The following IL6ST variants were observed in gnomAD, a reference collection of about 807,000 sequenced individuals.
The protein encoded by IL6ST is interleukin-6 receptor subunit beta.
A neutral mutation model predicts 91.3 loss-of-function variants in IL6ST; 24 were observed. The ratio of observed to expected loss-of-function variants is 0.26; its 90% CI spans 0.19 to 0.37. IL6ST has a LOEUF of 0.37. IL6ST is among the 10% of genes least tolerant of loss of function. The pLI, the probability that IL6ST is intolerant of heterozygous loss-of-function variation, is 1.00. For synonymous variants in IL6ST, 351 were observed against 373.6 expected, an observed-to-expected ratio of 0.94 and a Z score of 0.70; for missense variants, 914 against 1,078.5, an observed-to-expected ratio of 0.85 and a Z score of 2.14.
chr5:55,969,246 C>T (rs763992335), intron 4 of IL6ST, among the ~76,000 whole-genome samples: 3 of 151,918 alleles, frequency 2.0e-5, no homozygotes, highest in African/African-American at 4.8e-5. Flanking sequence ...AGCTGCTTTA[C>T]ACGTGCATTT....
Position 55,991,139 on chromosome 5 carries a change from T to C in IL6ST, c.-104+3645A>G, listed in dbSNP as rs1432653421. 3.3e-5 allele frequency among the ~76,000 whole-genome samples: 5 copies of C among 152,230 alleles called. No individual in the cohort carries two copies. The East Asian group carries it at 9.6e-4, about 29-fold the overall frequency. ...CACATTTTCTTAATCCAGTCTATCA[T>C]TGATGGACATTTGAATTGGTTCCAA... On this transcript the variant is annotated intron_variant, in intron 1 of 16. Transcript: ENST00000381298.
At chr5:55,946,343 C>T (rs924997811) in intron 15 of IL6ST, among the ~76,000 whole-genome samples, 4 of 152,222 alleles carry the variant, frequency 2.6e-5, no homozygotes, top group Admixed American at 6.5e-5. Flanking sequence ...TGACCCAGCA[C>T]TCTCACTCCT....
At position 55,940,906 on chromosome 5, in the gene IL6ST, T is replaced by C; in HGVS notation, c.*176A>G. 1.6e-6 allele frequency: 1 copy of C among 610,838 alleles called. No homozygotes were observed. Among genetic ancestry groups the C allele is most frequent in the Middle Eastern group, 4.5e-4 (1 of 2,230 alleles). 37.8% of individuals were successfully genotyped at this position (610,838 alleles called of 1,614,324 possible). ...AGTTTATGTAGTGCTTAAAGTAGAA[T>C]CCCAGATATTCTGGAATGGAAATAG... On this transcript the variant is annotated 3_prime_UTR_variant, in exon 17 of 17. Coordinates refer to ENST00000381298, the MANE Select transcript of IL6ST (RefSeq NM_002184.4).
chr5:55,985,430 C>G (rs1027661289), intron 1 of IL6ST, among the ~76,000 whole-genome samples: 3 of 151,390 alleles, frequency 2.0e-5, no homozygotes, highest in Non-Finnish European at 4.4e-5. Flanking sequence ...GGCAAGAGAA[C>G]TGCTTGAACC....
At chr5:55,988,533 G>A (rs554706259) in intron 1 of IL6ST, among the ~76,000 whole-genome samples, 24 of 152,114 alleles carry the variant, frequency 1.6e-4, no homozygotes, top group Non-Finnish European at 2.2e-4. Context: ...TTGGGAGGCC[G>A]AGATAGGCAG....
intron 1 of IL6ST, among the ~76,000 whole-genome samples, chr5:55,987,157 T>G (rs1407981813): frequency 6.6e-6 from 1 of 152,196 alleles, no homozygotes; most frequent in Non-Finnish European, 1.5e-5. Flanking sequence ...AGAGTGAGAC[T>G]GGCACATATT....
At chr5:55,942,620 C>A (rs1183665079) in intron 16 of IL6ST, 50 bp downstream of exon 16, 1 of 930,670 alleles carries the variant, frequency 1.1e-6, no homozygotes, top group South Asian at 1.4e-5. Context: ...CTCAATATAC[C>A]TACTAACATG....
At chr5:55,951,701 G>C (rs1751645459) in intron 13 of IL6ST, 97 bp from the exon 14 acceptor site, 1 of 1,235,454 alleles carries the variant, frequency 8.1e-7, no homozygotes, top group African/African-American at 1.5e-5. Context: ...AAGAAGCGAA[G>C]TATTTTTGTT....
chr5:55,943,743 T>A (rs148677737), intron 15 of IL6ST, among the ~76,000 whole-genome samples: 11 of 151,928 alleles, frequency 7.2e-5, no homozygotes, highest in Non-Finnish European at 7.4e-5. Flanking sequence ...AAATAAGAAC[T>A]TCCCCCCTGC....
intron 2 of IL6ST, among the ~76,000 whole-genome samples, chr5:55,979,333 G>C (rs1283275708): frequency 6.6e-6 from 1 of 152,180 alleles, no homozygotes; most frequent in Non-Finnish European, 1.5e-5. Context: ...GGTGACAGAG[G>C]TCAGAGCAGT....
intron 12 of IL6ST, 21 bp downstream of exon 12, chr5:55,952,229 A>G: frequency 1.9e-6 from 3 of 1,569,320 alleles, no homozygotes; most frequent in Non-Finnish European, 2.6e-6. Flanking sequence ...TTTTTTTTCA[A>G]AGAAGTGAGT....
chr5:55,990,991 T>C (rs1754293047), intron 1 of IL6ST, among the ~76,000 whole-genome samples: 1 of 151,606 alleles, frequency 6.6e-6, no homozygotes, highest in African/African-American at 2.4e-5. Context: ...CATGCGGTGT[T>C]TGGTTTTCTG....
chr5:55,937,129 A>C lies in IL6ST; in HGVS notation c.*3953T>G, dbSNP rs1750581124. On this transcript the variant is annotated 3_prime_UTR_variant, in exon 17 of 17. Transcript: ENST00000381298. The stretch of plus-strand genomic sequence containing the variant: ...CATTCAAAGCTTGTGTTCAAGAGAT[A>C]AAAGAACATCATTCAGACAAAGCCT... 1 of 209,286 alleles carries C rather than the reference A, an allele frequency of 4.8e-6. No homozygotes were observed. Among genetic ancestry groups the C allele is most frequent in the South Asian group, 1.9e-4 (1 of 5,330 alleles). 13.0% of individuals were successfully genotyped at this position (209,286 alleles called of 1,614,324 possible).
chr5:55,939,874 T>C lies in IL6ST; in HGVS notation c.*1208A>G, dbSNP rs1368909777. The stretch of plus-strand genomic sequence containing the variant: ...AGACATTAAAATACCATCTCTTTAT[T>C]AAGTGTCTCTACAATAATGATATTT... On this transcript the variant is annotated 3_prime_UTR_variant, in exon 17 of 17. Transcript: ENST00000381298. The C allele has an allele frequency of 9.8e-6, 2 of 203,372 alleles. No homozygotes were observed. Among genetic ancestry groups the C allele is most frequent in the Non-Finnish European group, 2.0e-5 (2 of 99,012 alleles). 12.6% of individuals were successfully genotyped at this position (203,372 alleles called of 1,614,324 possible).
At chr5:55,988,699 G>C (rs973858380) in intron 1 of IL6ST, among the ~76,000 whole-genome samples, 2 of 151,030 alleles carry the variant, frequency 1.3e-5, no homozygotes, top group Non-Finnish European at 1.5e-5. Context: ...CCAGTAGGCG[G>C]AGGTTGCAGT....
At chr5:55,974,142 G>T (rs1239683858) in intron 3 of IL6ST, among the ~76,000 whole-genome samples, 1 of 152,118 alleles carries the variant, frequency 6.6e-6, no homozygotes, top group African/African-American at 2.4e-5. Flanking sequence ...ATGATGTTCA[G>T]ATCAAAGTAA....
chr5:55,991,017 G>T (rs1212205189), intron 1 of IL6ST, among the ~76,000 whole-genome samples: 1 of 151,802 alleles, frequency 6.6e-6, no homozygotes, highest in Admixed American at 6.6e-5. Flanking sequence ...GCAACAGTTT[G>T]CTCAGAATGA....
chr5:55,976,940 C>G (rs534165951), intron 2 of IL6ST, among the ~76,000 whole-genome samples: 15 of 152,276 alleles, frequency 9.9e-5, no homozygotes, highest in Admixed American at 9.2e-4. Flanking sequence ...CACCATAAGA[C>G]TTGGTATTTC....
intron 1 of IL6ST, among the ~76,000 whole-genome samples, chr5:55,991,722 A>G (rs140810044): frequency 6.5e-4 from 98 of 151,602 alleles, no homozygotes; most frequent in Admixed American, 1.2e-3. Flanking sequence ...TATCTTTTCC[A>G]ATACTCAAGT....
Sources: allele counts gnomAD v4.1 joint callset (sites outside exome capture counted in the v4.1 genomes callset), GRCh38; gene constraint gnomAD v4.1.1; transcripts MANE v1.5; gene names NCBI Gene and HGNC (gene_info 2026-07-23, HGNC 2026-07-21).